Variants in SLC41A3 observed in about 807,000 individuals in gnomAD.
SLC41A3 encodes the protein solute carrier family 41 member 3, also known as SLC41A1-like 2.
SLC41A3 carries 44 observed loss-of-function variants against 45.4 expected under a neutral mutation model. The ratio of observed to expected loss-of-function variants is 0.97; its 90% CI spans 0.76 to 1.25. The LOEUF is 1.25. Among genes scored for constraint, SLC41A3 ranks in the 50% most tolerant of loss-of-function variants. The pLI, the probability that SLC41A3 is intolerant of heterozygous loss-of-function variation, is 0.00. For synonymous variants in SLC41A3, 256 were observed against 252.4 expected, an observed-to-expected ratio of 1.01 and a Z score of -0.13; for missense variants, 550 against 600.6, an observed-to-expected ratio of 0.92 and a Z score of 0.88.
chr3:126,006,568 G>C lies in SLC41A3; in HGVS notation c.*448C>G, dbSNP rs1480205704. On this transcript the variant is annotated 3_prime_UTR_variant, in exon 11 of 11. Coordinates refer to ENST00000360370, the MANE Select transcript of SLC41A3 (RefSeq NM_017836.4). ...GTGTGGCCCACGGAGCTTGAACCTGGTGAAGACAGCAAGTAAGCCACAGCT... is the reference window on the plus strand; with the variant it reads ...GTGTGGCCCACGGAGCTTGAACCTGCTGAAGACAGCAAGTAAGCCACAGCT... The C allele has an allele frequency of 1.3e-6, 2 of 1,592,978 alleles. No individual in the cohort carries two copies. Among genetic ancestry groups the C allele is most frequent in the Non-Finnish European group, 1.7e-6 (2 of 1,174,816 alleles).
chr3:126,011,804 C>A (rs556501852), intron 9 of SLC41A3, among the ~76,000 whole-genome samples: 6 of 152,322 alleles, frequency 3.9e-5, no homozygotes, highest in Middle Eastern at 3.4e-3. Flanking sequence ...ACTATTGACA[C>A]CGAATTTTAC....
intron 10 of SLC41A3, 139 bp downstream of exon 10, chr3:126,008,593 A>C: frequency 5.1e-5 from 61 of 1,201,078 alleles, no homozygotes; most frequent in Non-Finnish European, 6.4e-5. Flanking sequence ...AAGTTGACTC[A>C]ACTCCTGGAA....
intron 1 of SLC41A3, chr3:126,092,617 A>C (rs922899466): frequency 6.5e-6 from 1 of 153,204 alleles, no homozygotes; most frequent in African/African-American, 2.4e-5. Flanking sequence ...AGTGGCGTCC[A>C]TTGTGGGGGC....
intron 6 of SLC41A3, among the ~76,000 whole-genome samples, chr3:126,017,332 C>A (rs952841816): frequency 6.6e-6 from 1 of 152,198 alleles, no homozygotes; most frequent in African/African-American, 2.4e-5. Context: ...CAAGCAGCCC[C>A]GTCAGGGCTA....
At chr3:126,020,081 A>G (rs1940698151) in intron 6 of SLC41A3, among the ~76,000 whole-genome samples, 1 of 152,132 alleles carries the variant, frequency 6.6e-6, no homozygotes. Context: ...GCTCTCTGCA[A>G]GTCTGGACAA....
intron 2 of SLC41A3, chr3:126,056,239 T>C: frequency 7.6e-7 from 1 of 1,319,856 alleles, no homozygotes; most frequent in South Asian, 1.4e-5. Flanking sequence ...CAAGGGCAGG[T>C]TGAGGGCTGC....
chr3:126,076,363 T>C (rs191051345), intron 1 of SLC41A3, among the ~76,000 whole-genome samples: 59 of 152,324 alleles, frequency 3.9e-4, no homozygotes, highest in African/African-American at 1.2e-3. Context: ...AGCTGGGTAA[T>C]ATTCAATTAC....
At chr3:126,036,396 G>T (rs1257211042) in intron 3 of SLC41A3, among the ~76,000 whole-genome samples, 1 of 152,202 alleles carries the variant, frequency 6.6e-6, no homozygotes, top group Non-Finnish European at 1.5e-5. Flanking sequence ...CCAACAGTGA[G>T]TTTGGGGTGT....
At chr3:126,084,676 T>C (rs1423866384), upstream of SLC41A3, among the ~76,000 whole-genome samples, 1 of 152,140 alleles carries the variant, frequency 6.6e-6, no homozygotes, top group East Asian at 1.9e-4. Context: ...AGTATTACGG[T>C]CACACCTAAC....
intron 4 of SLC41A3, among the ~76,000 whole-genome samples, chr3:126,031,052 A>C (rs1941761693): frequency 6.6e-6 from 1 of 152,252 alleles, no homozygotes; most frequent in Non-Finnish European, 1.5e-5. Context: ...CGTTATTAAG[A>C]CAAAAGTACA....
At chr3:126,074,673 GGTT>G (rs1944791871) in intron 1 of SLC41A3, among the ~76,000 whole-genome samples, 2 of 151,662 alleles carry the variant, frequency 1.3e-5, no homozygotes, top group Non-Finnish European at 2.9e-5. Flanking sequence ...TGGGTTGTTT[GGTT>G]GTTGTTTTTT....
At chr3:126,043,958 G>A (rs1304774245) in intron 3 of SLC41A3, among the ~76,000 whole-genome samples, 1 of 151,916 alleles carries the variant, frequency 6.6e-6, no homozygotes, top group Non-Finnish European at 1.5e-5. Context: ...CAATGTAAAT[G>A]GGTTAAATCC....
Position 126,050,943 on chromosome 3 carries a change from A to G in SLC41A3, c.381T>C (p.Ala127=), listed in dbSNP as rs774731009. The G allele has an allele frequency of 4.3e-6, 7 of 1,610,860 alleles. No homozygotes were observed. Among genetic ancestry groups the G allele is most frequent in the Middle Eastern group, 1.6e-4 (1 of 6,078 alleles). ...EMTLASRLST[A]ANTGQIDDPQ... is the part of the protein sequence containing the mutation. ...CTCGAATGTCCAGGTGTCCACTTAC[A>G]GCTGTGGAGAGTCTGGATGCCAGTG... The change falls in exon 3 of 11, where the codon GCT becomes GCC. Residue 127 remains alanine (A), a splice_region_variant and synonymous_variant. Coordinates refer to ENST00000360370, the MANE Select transcript of SLC41A3 (RefSeq NM_017836.4).
intron 1 of SLC41A3, among the ~76,000 whole-genome samples, chr3:126,076,006 T>C (rs1043574735): frequency 1.3e-5 from 2 of 152,218 alleles, no homozygotes; most frequent in African/African-American, 2.4e-5. Flanking sequence ...AATTTGAAAG[T>C]TGTGTTTCAA....
chr3:126,018,559 T>C (rs1940539530), intron 6 of SLC41A3, among the ~76,000 whole-genome samples: 2 of 152,230 alleles, frequency 1.3e-5, no homozygotes, highest in South Asian at 4.1e-4. Flanking sequence ...AGCTGTTTAT[T>C]TGTCTGCTTC....
chr3:126,008,685 G>A, intron 10 of SLC41A3, 47 bp downstream of exon 10: 1 of 1,598,554 alleles, frequency 6.3e-7, no homozygotes, highest in Non-Finnish European at 8.6e-7. Flanking sequence ...CAAGCCTGCT[G>A]GCTGACTACA....
At position 126,016,777 on chromosome 3, in the gene SLC41A3, G is replaced by C; in HGVS notation, c.844C>G (p.Leu282Val). Residue 282 changes from leucine to valine, a missense_variant, in exon 7 of 11, where the codon CTG becomes GTG. Transcript: ENST00000360370. ...ATGATTGGGAACCAGCCAAACTTCA[G>C]GATCTTCACGATGGGTGGGCTCTGC... Reference protein sequence around the residue: ...AKQSPPIVKILKFGWFPIILA... With the variant: ...AKQSPPIVKIVKFGWFPIILA... The C allele has an allele frequency of 6.2e-7, 1 of 1,612,752 alleles. No individual in the cohort carries two copies. The highest frequency in any genetic ancestry group is 8.5e-7 in the Non-Finnish European group (1 of 1,179,562).
At chr3:126,093,335 T>G (rs1465986154) in intron 1 of SLC41A3, among the ~76,000 whole-genome samples, 1 of 152,188 alleles carries the variant, frequency 6.6e-6, no homozygotes, top group East Asian at 1.9e-4. Flanking sequence ...ACTCTAGGTT[T>G]GATAAAGATG....
In SLC41A3 at chr3:126,059,307, A is replaced by AAAGAAAGAAAGAAAGAAAGAAAGGAAGG. The variant is rs1559870097; in HGVS notation, c.274-8258_274-8257insCCTTCCTTTCTTTCTTTCTTTCTTTCTT. On this transcript the variant is annotated intron_variant, in intron 2 of 10. Coordinates refer to ENST00000360370, the MANE Select transcript of SLC41A3 (RefSeq NM_017836.4). ...GAAAGAAAGAAAGAAAGAAAGAAAG[A>AAAGAAAGAAAGAAAGAAAGAAAGGAAGG]AAGGAAGGATGATCTGTGATAAGTG... Among the ~76,000 whole-genome samples the AAAGAAAGAAAGAAAGAAAGAAAGGAAGG allele has an allele frequency of 2.5e-3, 148 of 59,430 alleles. 4 individuals are homozygous for AAAGAAAGAAAGAAAGAAAGAAAGGAAGG. The highest frequency in any genetic ancestry group is 8.3e-3 in the Admixed American group (42 of 5,066). 39.0% of individuals were successfully genotyped at this position (59,430 alleles called of 152,430 possible). A position where few individuals can be genotyped will look rare whatever the true frequency, so the allele number is the denominator to read the frequency against.
Sources: gnomAD v4.1 joint callset for allele counts (sites outside exome capture counted in the v4.1 genomes callset) on GRCh38, gnomAD v4.1.1 for gene constraint, MANE v1.5 for transcripts, NCBI Gene and HGNC (gene_info 2026-07-23, HGNC 2026-07-21) for gene names.